Variants in PPM1H observed in about 807,000 individuals in gnomAD.
PPM1H encodes protein phosphatase, Mg2+/Mn2+ dependent 1H.
In PPM1H, 27 loss-of-function variants were observed where a neutral mutation model predicts 54.9. That is an observed-to-expected ratio of 0.49 (90% confidence interval 0.36 to 0.68). PPM1H has a LOEUF of 0.68. Among genes scored for constraint, PPM1H ranks in the 30% least tolerant of loss-of-function variants. The pLI is 0.00. For synonymous variants in PPM1H, 305 were observed against 270.8 expected, an observed-to-expected ratio of 1.13 and a Z score of -1.24; for missense variants, 596 against 667.8, an observed-to-expected ratio of 0.89 and a Z score of 1.19.
chr12:62,735,674 C>T (rs1458004287), intron 5 of PPM1H, among the ~76,000 whole-genome samples: 1 of 152,178 alleles, frequency 6.6e-6, no homozygotes. Context: ...CAAGCAACAC[C>T]ATATGCTGAG....
At chr12:62,789,947 C>T (rs12811245) in intron 3 of PPM1H, among the ~76,000 whole-genome samples, 11,202 of 152,228 alleles carry the variant, frequency 0.074, 501 homozygotes, top group African/African-American at 0.12. Flanking sequence ...TAAAATAATG[C>T]CAAATCTTCC....
rs990564591 is a variant in PPM1H at position 62,887,320 on chromosome 12, T to C, written c.245+47172A>G. On this transcript the variant is annotated intron_variant, in intron 1 of 9. Transcript: ENST00000228705. Reference sequence around the variant, plus strand: ...AAATCTTTCTTAAACATCTACCATGTGTCAGTTACAGTACTAGACTTTGGA... The same window carrying C: ...AAATCTTTCTTAAACATCTACCATGCGTCAGTTACAGTACTAGACTTTGGA... 3.9e-5 allele frequency among the ~76,000 whole-genome samples: 6 copies of C among 152,254 alleles called. 1 individual carries two copies. Among genetic ancestry groups the C allele is most frequent in the Admixed American group, 3.3e-4 (5 of 15,284 alleles).
intron 9 of PPM1H, among the ~76,000 whole-genome samples, chr12:62,666,107 T>C (rs1220447196): frequency 1.3e-5 from 2 of 152,010 alleles, no homozygotes; most frequent in Non-Finnish European, 2.9e-5. Flanking sequence ...AGACCGAGTC[T>C]TCCTCTGTCA....
rs777852108 is a variant in PPM1H, at chr12:62,720,229, C to T, written c.1015G>A (p.Val339Ile). 2 of 1,613,736 alleles carry T rather than the reference C, an allele frequency of 1.2e-6. No individual in the cohort carries two copies. The highest frequency in any genetic ancestry group is 1.7e-6 in the Non-Finnish European group (2 of 1,179,770). ...TTCTTTCCAAGCTCCTTTCTCTGTA[C>T]TCTCCTTGGAAACTCCAAATGTGTG... ...EFTHLEFPRR[V>I]QRKELGKKML... The change falls in exon 6 of 10, where the codon GTA becomes ATA. Residue 339 changes from valine (V) to isoleucine (I), a missense_variant. Around this residue, in one of 3 missense-constraint regions of PPM1H, gnomAD observed 208 missense variants for 259.5 expected, o/e 0.80. Coordinates refer to ENST00000228705, the MANE Select transcript of PPM1H (RefSeq NM_020700.2).
intron 8 of PPM1H, among the ~76,000 whole-genome samples, chr12:62,668,619 C>T (rs564140968): frequency 1.4e-4 from 22 of 152,154 alleles, no homozygotes; most frequent in Non-Finnish European, 2.4e-4. Context: ...TCAAGGGATC[C>T]GCCTGCTTCA....
intron 2 of PPM1H, among the ~76,000 whole-genome samples, chr12:62,826,036 T>C (rs1011840206): frequency 2.6e-5 from 4 of 152,176 alleles, no homozygotes; most frequent in Non-Finnish European, 5.9e-5. Context: ...AAAAATGTGT[T>C]TAAGGTTTGC....
chr12:62,716,923 G>T lies in PPM1H; in HGVS notation c.1073+3248C>A, dbSNP rs1384449758. The stretch of plus-strand genomic sequence containing the variant: ...AAAAAGGAATTCATTAAAGTTGGGG[G>T]GAGTGCTTTACGTAGGCAGTAGTCT... On this transcript the variant is annotated intron_variant, in intron 6 of 9. Coordinates refer to ENST00000228705, the MANE Select transcript of PPM1H (RefSeq NM_020700.2). Among the ~76,000 whole-genome samples the T allele has an allele frequency of 2.0e-5, 3 of 152,144 alleles. No individual in the cohort carries two copies. In the East Asian group the frequency reaches 5.8e-4, roughly 29 times the overall value.
At chr12:62,917,516 T>C (rs890806910) in intron 1 of PPM1H, among the ~76,000 whole-genome samples, 1 of 152,210 alleles carries the variant, frequency 6.6e-6, no homozygotes, top group Non-Finnish European at 1.5e-5. Context: ...AAATGGACAT[T>C]CCAAAGTGGA....
intron 1 of PPM1H, among the ~76,000 whole-genome samples, chr12:62,911,426 AAT>A (rs1871456854): frequency 6.6e-6 from 1 of 152,178 alleles, no homozygotes; most frequent in South Asian, 2.1e-4. Context: ...ATTTCCAAGA[AAT>A]ATGTTTGTTA....
At chr12:62,771,476 A>C (rs2076579747) in intron 4 of PPM1H, among the ~76,000 whole-genome samples, 1 of 152,114 alleles carries the variant, frequency 6.6e-6, no homozygotes, top group Non-Finnish European at 1.5e-5. Flanking sequence ...TGGAGTCCTA[A>C]AGCAGCTCAG....
At chr12:62,765,931 G>GAAA (rs2076540058) in intron 4 of PPM1H, among the ~76,000 whole-genome samples, 1 of 152,238 alleles carries the variant, frequency 6.6e-6, no homozygotes, top group African/African-American at 2.4e-5. Flanking sequence ...GGTGAAGGTA[G>GAAA]AAAGAGGCTA....
intron 2 of PPM1H, among the ~76,000 whole-genome samples, chr12:62,808,631 GAAC>G (rs2076819175): frequency 6.6e-6 from 1 of 151,946 alleles, no homozygotes. Context: ...CCAAACTACA[GAAC>G]TTGCAGCTCA....
intron 3 of PPM1H, among the ~76,000 whole-genome samples, chr12:62,790,405 C>T (rs899594357): frequency 6.6e-6 from 1 of 152,070 alleles, no homozygotes; most frequent in Non-Finnish European, 1.5e-5. Context: ...GTGATACCCC[C>T]ATCTCTATAA....
intron 3 of PPM1H, among the ~76,000 whole-genome samples, chr12:62,795,392 C>A (rs2076726694): frequency 6.6e-6 from 1 of 151,900 alleles, no homozygotes; most frequent in Non-Finnish European, 1.5e-5. Context: ...TAAGATATTG[C>A]ATATTTCTAT....
chr12:62,780,807 A>G (rs2076637354), intron 4 of PPM1H, among the ~76,000 whole-genome samples: 1 of 151,988 alleles, frequency 6.6e-6, no homozygotes, highest in African/African-American at 2.4e-5. Flanking sequence ...GTGGGCAAAC[A>G]CAGGGCCTTG....
At chr12:62,723,338 G>A (rs1364328340) in intron 5 of PPM1H, among the ~76,000 whole-genome samples, 1 of 151,570 alleles carries the variant, frequency 6.6e-6, no homozygotes, top group Non-Finnish European at 1.5e-5. Context: ...ATTCTGCTTT[G>A]TAAAATGAAG....
At chr12:62,910,848 C>T (rs934563329) in intron 1 of PPM1H, among the ~76,000 whole-genome samples, 2 of 152,078 alleles carry the variant, frequency 1.3e-5, no homozygotes, top group South Asian at 2.1e-4. Context: ...AAGCAGCTGC[C>T]CGCAAGGAAG....
intron 2 of PPM1H, among the ~76,000 whole-genome samples, chr12:62,802,666 C>T (rs979553729): frequency 2.0e-5 from 3 of 151,780 alleles, no homozygotes; most frequent in African/African-American, 4.8e-5. Context: ...CAGGTTCAAG[C>T]GATTCTCATG....
At chr12:62,755,369 A>G (rs1198240709) in intron 4 of PPM1H, 2 of 864,554 alleles carry the variant, frequency 2.3e-6, no homozygotes, top group African/African-American at 3.3e-5. Context: ...GTGTTCCAGT[A>G]TGATTTTGTC....
Sources: allele counts gnomAD v4.1 joint callset (sites outside exome capture counted in the v4.1 genomes callset), GRCh38; gene constraint gnomAD v4.1.1; regional missense constraint gnomAD v4.1.1; transcripts MANE v1.5; gene names NCBI Gene and HGNC (gene_info 2026-07-23, HGNC 2026-07-21).